Variants in PPARGC1B observed in about 807,000 individuals in gnomAD.
PPARGC1B encodes peroxisome proliferator-activated receptor gamma coactivator 1-beta.
In PPARGC1B, 34 loss-of-function variants were observed where a neutral mutation model predicts 101.6. That is an observed-to-expected ratio of 0.33 (90% CI 0.25 to 0.45). PPARGC1B has a LOEUF of 0.45. PPARGC1B is among the 20% of genes least tolerant of loss of function. The pLI is 1.00. For missense variants in PPARGC1B, 1,234 were observed against 1,317.6 expected (o/e 0.94, Z 0.98); for synonymous variants, 548 against 539.3 (o/e 1.02, Z -0.22).
intron 1 of PPARGC1B, among the ~76,000 whole-genome samples, chr5:149,805,842 T>C (rs1434173031): frequency 1.4e-4 from 21 of 152,260 alleles, no homozygotes; most frequent in Non-Finnish European, 4.4e-5. Flanking sequence ...GGAAACCTAA[T>C]TAACTCTTTC....
At chr5:149,855,794 G>C (rs1759932443), downstream of PPARGC1B, among the ~76,000 whole-genome samples, 1 of 152,174 alleles carries the variant, frequency 6.6e-6, no homozygotes, top group South Asian at 2.1e-4. Context: ...GCCCCAAAGG[G>C]TTGAAACACT....
intron 1 of PPARGC1B, among the ~76,000 whole-genome samples, chr5:149,755,072 T>A (rs1049324990): frequency 4.1e-5 from 6 of 146,126 alleles, no homozygotes; most frequent in South Asian, 4.3e-4. Flanking sequence ...TATATATATA[T>A]AATTTTTTTT....
At position 149,837,292 on chromosome 5, in the gene PPARGC1B, G is replaced by A. The variant is rs1561625453; in HGVS notation, c.2618+219G>A. 6.6e-6 allele frequency among the ~76,000 whole-genome samples: 1 copy of A among 152,148 alleles called. No individual in the cohort carries two copies. The highest frequency in any genetic ancestry group is 1.5e-5 in the Non-Finnish European group (1 of 68,016). Reference sequence around the variant, plus strand: ...CAGGCACAGCCTGGTCTGTGAAATCGAGAGTGTCCCAAACATCCTGGCCTC... The same window carrying A: ...CAGGCACAGCCTGGTCTGTGAAATCAAGAGTGTCCCAAACATCCTGGCCTC... On this transcript the variant is annotated intron_variant, in intron 8 of 11. Coordinates refer to ENST00000309241, the MANE Select transcript of PPARGC1B (RefSeq NM_133263.4). This position sits in a 1 kb window ranked among gnomAD's most constrained non-coding sequence, Gnocchi z 4.2.
At chr5:149,822,408 A>G (rs1011580254) in intron 2 of PPARGC1B, among the ~76,000 whole-genome samples, 3 of 152,124 alleles carry the variant, frequency 2.0e-5, no homozygotes, top group African/African-American at 7.2e-5. Context: ...CATGGGCTGC[A>G]CACTCCACCA....
At chr5:149,800,769 G>A (rs1561555382) in intron 1 of PPARGC1B, among the ~76,000 whole-genome samples, 1 of 152,194 alleles carries the variant, frequency 6.6e-6, no homozygotes. Context: ...AGGGCCAACC[G>A]ATTGATCTGA....
intron 1 of PPARGC1B, among the ~76,000 whole-genome samples, chr5:149,733,557 G>C (rs530388045): frequency 6.6e-6 from 1 of 152,338 alleles, no homozygotes; most frequent in South Asian, 2.1e-4. Context: ...CATTGTGCCT[G>C]CAAGGCACCT....
In PPARGC1B at chr5:149,840,067, A is replaced by C; in HGVS notation, c.2645A>C (p.Asp882Ala). ...TGTGAGAGCAGAGGGCCGTGTTCAG[A>C]CAGAACGCCAAGCATCCGGCACGCC... ...FRCESRGPCS[D>A]RTPSIRHARK... The change falls in exon 9 of 12, where the codon GAC (aspartate) becomes GCC (alanine). Residue 882 changes from aspartate (D) to alanine (A), a missense_variant. Around this residue, in one of 3 missense-constraint regions of PPARGC1B, gnomAD observed 497 missense variants for 529.5 expected, o/e 0.94. Transcript: ENST00000309241. The C allele has an allele frequency of 6.2e-7, 1 of 1,614,102 alleles. No individual in the cohort carries two copies. Among genetic ancestry groups the C allele is most frequent in the Non-Finnish European group, 8.5e-7 (1 of 1,180,002 alleles).
chr5:149,737,723 G>A (rs1484321505), intron 1 of PPARGC1B, among the ~76,000 whole-genome samples: 1 of 152,252 alleles, frequency 6.6e-6, no homozygotes, highest in Admixed American at 6.5e-5. Flanking sequence ...GCCGGGCACA[G>A]TGGCTTACGC....
chr5:149,842,436 C>T, intron 10 of PPARGC1B, 59 bp downstream of exon 10: 1 of 1,584,422 alleles, frequency 6.3e-7, no homozygotes, highest in Non-Finnish European at 8.6e-7. Flanking sequence ...GGTCCTGATC[C>T]AGAATTGGGT....
rs183456366 is a variant in PPARGC1B at position 149,752,008 on chromosome 5, A to G, written c.78+21588A>G. Among the ~76,000 whole-genome samples, 308 of 152,296 alleles carry G rather than the reference A, an allele frequency of 2.0e-3. 3 individuals carry two copies. Among genetic ancestry groups the G allele is most frequent in the African/African-American group, 6.7e-3 (279 of 41,552 alleles). On this transcript the variant is annotated intron_variant, in intron 1 of 11. Transcript: ENST00000309241. The stretch of plus-strand genomic sequence containing the variant: ...TAATGGATCTGAAAGCAAATTGCCA[A>G]TTGTAGAGTCATAAACAGATGTAAG...
rs1211550291 is a variant in PPARGC1B, at chr5:149,833,480, G to A, written c.1407G>A (p.Leu469=). 6.4e-7 allele frequency: 1 copy of A among 1,566,686 alleles called. No homozygotes were observed. The highest frequency in any genetic ancestry group is 8.7e-7 in the Non-Finnish European group (1 of 1,155,372). Reference sequence around the variant, plus strand: ...CATGGACGAAGCTGGGGAGGAAGCTGGAGAGCTCTGTGTGCCCCGTGCGGC... The same window carrying A: ...CATGGACGAAGCTGGGGAGGAAGCTAGAGAGCTCTGTGTGCCCCGTGCGGC... ...GLPWTKLGRK[L]ESSVCPVRRS... The change falls in exon 5 of 12, where the codon CTG becomes CTA. Residue 469 remains leucine, a synonymous_variant. Coordinates refer to ENST00000309241, the MANE Select transcript of PPARGC1B (RefSeq NM_133263.4). This position sits in a 1 kb window ranked among gnomAD's most constrained non-coding sequence, Gnocchi z 4.1.
chr5:149,752,993 A>G (rs1755373717), intron 1 of PPARGC1B, among the ~76,000 whole-genome samples: 1 of 152,214 alleles, frequency 6.6e-6, no homozygotes, highest in Non-Finnish European at 1.5e-5. Context: ...AAACCATACA[A>G]ACATCGCATA....
At chr5:149,790,401 G>A (rs190789396) in intron 1 of PPARGC1B, among the ~76,000 whole-genome samples, 8 of 152,100 alleles carry the variant, frequency 5.3e-5, no homozygotes, top group East Asian at 1.9e-4. Context: ...GTGTGCCTCC[G>A]CTCTCACCCC....
At chr5:149,822,374 T>C (rs1758336207) in intron 2 of PPARGC1B, among the ~76,000 whole-genome samples, 1 of 152,194 alleles carries the variant, frequency 6.6e-6, no homozygotes, top group Non-Finnish European at 1.5e-5. Flanking sequence ...GGCTGAGCTC[T>C]GCCCTCCCAG....
At position 149,840,073 on chromosome 5, in the gene PPARGC1B, C is replaced by A. The variant is rs759740325; in HGVS notation, c.2651C>A (p.Thr884Lys). 5.6e-6 allele frequency: 9 copies of A among 1,613,908 alleles called. No homozygotes were observed. Among genetic ancestry groups the A allele is most frequent in the Non-Finnish European group, 1.7e-6 (2 of 1,179,958 alleles). ...AGCAGAGGGCCGTGTTCAGACAGAA[C>A]GCCAAGCATCCGGCACGCCAGGAAG... ...CESRGPCSDRTPSIRHARKRR... is the reference protein window; with the variant it reads ...CESRGPCSDRKPSIRHARKRR... The change falls in exon 9 of 12, where the codon ACG (threonine) becomes AAG (lysine). Residue 884 changes from threonine to lysine, a missense_variant. By Grantham distance (78) the Thr-to-Lys change is moderately conservative. This residue lies in a region of PPARGC1B where 497 missense variants were observed against 529.5 expected (regional missense o/e 0.94). Transcript: ENST00000309241.
chr5:149,795,793 G>T (rs1757192145), intron 1 of PPARGC1B, among the ~76,000 whole-genome samples: 1 of 151,652 alleles, frequency 6.6e-6, no homozygotes. Context: ...GGGGGCAGGG[G>T]GGGATGATTA....
chr5:149,841,341 G>A lies in PPARGC1B; in HGVS notation c.2695-915G>A, dbSNP rs535942097. Among the ~76,000 whole-genome samples, 14 of 152,276 alleles carry A rather than the reference G, an allele frequency of 9.2e-5. No homozygotes were observed. The South Asian group carries it at 2.3e-3, about 25-fold the overall frequency. ...GAATTCAAGAAGCTGCAAGGAGAGT[G>A]GGAGGAGGGGATTTCTCTGTTGAGC... On this transcript the variant is annotated intron_variant, in intron 9 of 11. Coordinates refer to ENST00000309241, the MANE Select transcript of PPARGC1B (RefSeq NM_133263.4).
At chr5:149,786,335 A>G (rs1479043754) in intron 1 of PPARGC1B, among the ~76,000 whole-genome samples, 1 of 151,914 alleles carries the variant, frequency 6.6e-6, no homozygotes, top group African/African-American at 2.4e-5. Context: ...ACCTCAGGTG[A>G]TCTGCCTCCT....
Position 149,817,242 on chromosome 5 carries a change from C to T in PPARGC1B, c.79-3191C>T, listed in dbSNP as rs577955199. On this transcript the variant is annotated intron_variant, in intron 1 of 11. Coordinates refer to ENST00000309241, the MANE Select transcript of PPARGC1B (RefSeq NM_133263.4). The stretch of plus-strand genomic sequence containing the variant: ...GGGCACAGTGGCTGACACCTGTAAT[C>T]CCAGCACTTTGTGGGGCTGAGGTGG... 9.9e-5 allele frequency among the ~76,000 whole-genome samples: 15 copies of T among 152,274 alleles called. No homozygotes were observed. In the South Asian group the frequency reaches 2.9e-3, roughly 29 times the overall value.
Sources: gnomAD v4.1 joint callset for allele counts (sites outside exome capture counted in the v4.1 genomes callset) on GRCh38, gnomAD v4.1.1 for gene constraint, gnomAD v4.1.1 regional missense constraint, Gnocchi (gnomAD v3.1) non-coding constraint, MANE v1.5 for transcripts, NCBI Gene and HGNC (gene_info 2026-07-23, HGNC 2026-07-21) for gene names.